ZNF654: variants seen among roughly 807,000 people sequenced by gnomAD.
ZNF654 encodes the protein zinc finger protein 654.
In ZNF654, 19 loss-of-function variants were observed where a neutral mutation model predicts 95.3. That is an observed-to-expected ratio of 0.20 (90% CI 0.14 to 0.29). The LOEUF is 0.29. ZNF654 is among the 10% of genes least tolerant of loss of function. ZNF654 has a pLI of 1.00. For missense variants in ZNF654, 1,046 were observed against 1,341.0 expected, an observed-to-expected ratio of 0.78 and a Z score of 3.44; for synonymous variants, 413 against 457.9, an observed-to-expected ratio of 0.90 and a Z score of 1.25.
chr3:88,141,986 AG>A lies in ZNF654; in HGVS notation c.*337del, dbSNP rs1466245365. The A allele has an allele frequency of 4.7e-6, 1 of 211,478 alleles. No homozygotes were observed. Among genetic ancestry groups the A allele is most frequent in the African/African-American group, 2.5e-5 (1 of 39,216 alleles). 13.1% of individuals were successfully genotyped at this position (211,478 alleles called of 1,614,324 possible). On this transcript the variant is annotated 3_prime_UTR_variant, in exon 9 of 9. Transcript: ENST00000636215. ...GAAAACCAGCTATGGCCTTACAGAA[AG>A]GGAAAAATTAACCCATTATTAAAAA...
chr3:88,071,710 A>G (rs1293477033), intron 1 of ZNF654, among the ~76,000 whole-genome samples: 1 of 152,130 alleles, frequency 6.6e-6, no homozygotes, highest in African/African-American at 2.4e-5. Context: ...AGGATGAGGC[A>G]AGAGAATCAC....
In ZNF654 at chr3:88,075,429, G is replaced by A. The variant is rs535039940; in HGVS notation, c.187-10828G>A. ...GGCCTATCATAAAAACACTCTTTTT[G>A]TGCCCTCATATTTGTATTATTTGGA... is the stretch of plus-strand genomic sequence containing the variant. On this transcript the variant is annotated intron_variant, in intron 1 of 8. Transcript: ENST00000636215. Among the ~76,000 whole-genome samples, 4 of 152,210 alleles carry A rather than the reference G, an allele frequency of 2.6e-5. No homozygotes were observed. In the East Asian group the frequency reaches 7.7e-4, roughly 29 times the overall value.
rs548316857 is a variant in ZNF654, at chr3:88,121,646, T to C, written c.415-4488T>C. On this transcript the variant is annotated intron_variant, in intron 3 of 8. Transcript: ENST00000636215. ...GCATAACATCCTTAAATTTTATAAC[T>C]TTATGAAGTGCTTTGCTATGAGATA... 5.1e-4 allele frequency among the ~76,000 whole-genome samples: 78 copies of C among 152,320 alleles called. No individual in the cohort carries two copies. In the East Asian group the frequency reaches 0.012, roughly 24 times the overall value.
chr3:88,113,820 ATATCT>A (rs59427021), intron 3 of ZNF654, among the ~76,000 whole-genome samples: 118,710 of 151,638 alleles, frequency 0.78, 47,379 homozygotes, highest in South Asian at 0.91. Context: ...TACAGACAAC[ATATCT>A]TATATTTGTT....
intron 3 of ZNF654, among the ~76,000 whole-genome samples, chr3:88,119,404 A>AGGGGGGAG (rs1705628122): frequency 3.2e-5 from 1 of 31,624 alleles, no homozygotes; most frequent in Non-Finnish European, 5.3e-5. Flanking sequence ...GGGAGGGGGG[A>AGGGGGGAG]GGGGGGAGGG....
intron 2 of ZNF654, among the ~76,000 whole-genome samples, chr3:88,089,662 C>A (rs1426057643): frequency 1.3e-5 from 2 of 152,012 alleles, no homozygotes; most frequent in African/African-American, 4.8e-5. Context: ...TCTTTCAGGG[C>A]TGTTGACAGT....
Position 88,143,376 on chromosome 3 carries a change from C to T in ZNF654, c.*1724C>T, listed in dbSNP as rs1179852686. 6 of 152,078 alleles carry T rather than the reference C, an allele frequency of 3.9e-5. No homozygotes were observed. The highest frequency in any genetic ancestry group is 8.9e-5 in the Non-Finnish European group (6 of 67,698). The allele number at this position is 152,078 out of a possible 1,614,324, so 9.4% of individuals were successfully genotyped here. A position where few individuals can be genotyped will look rare whatever the true frequency, so the allele number is the denominator to read the frequency against. On this transcript the variant is annotated 3_prime_UTR_variant, in exon 9 of 9. Coordinates refer to ENST00000636215, the MANE Select transcript of ZNF654 (RefSeq NM_001350134.2). The stretch of plus-strand genomic sequence containing the variant: ...TACATTTAGGTAACTAAACACAGCT[C>T]ATAATTAAAATCTTTTCTTTAAGGT...
intron 1 of ZNF654, among the ~76,000 whole-genome samples, chr3:88,080,804 G>A (rs1385511059): frequency 6.6e-6 from 1 of 152,210 alleles, no homozygotes; most frequent in African/African-American, 2.4e-5. Flanking sequence ...GAGGGAAAAG[G>A]TTGGAACAGA....
In ZNF654 at chr3:88,143,592, A is replaced by G. The variant is rs1307187508; in HGVS notation, c.*1940A>G. ...TTTAATATTTTATCACATTTTCCAC[A>G]AGTTGTAACAATTGATATAAATCCA... On this transcript the variant is annotated 3_prime_UTR_variant, in exon 9 of 9. Transcript: ENST00000636215. 1 of 152,282 alleles carries G rather than the reference A, an allele frequency of 6.6e-6. No individual in the cohort carries two copies. Among genetic ancestry groups the G allele is most frequent in the Non-Finnish European group, 1.5e-5 (1 of 67,764 alleles). 9.4% of individuals were successfully genotyped at this position (152,282 alleles called of 1,614,324 possible). A position where few individuals can be genotyped will look rare whatever the true frequency, so the allele number is the denominator to read the frequency against.
At chr3:88,097,376 A>T (rs1426838845) in intron 2 of ZNF654, among the ~76,000 whole-genome samples, 11 of 149,224 alleles carry the variant, frequency 7.4e-5, no homozygotes, top group South Asian at 2.1e-4. Flanking sequence ...TTTTTTTTTT[A>T]AATAATGGGA....
intron 2 of ZNF654, among the ~76,000 whole-genome samples, chr3:88,089,189 A>G (rs1442830679): frequency 2.6e-5 from 2 of 78,264 alleles, no homozygotes; most frequent in African/African-American, 3.8e-5. Flanking sequence ...AAGCTTACGT[A>G]TTAAAAAAAA....
chr3:88,106,978 C>G (rs531399717), intron 2 of ZNF654, among the ~76,000 whole-genome samples: 1 of 152,192 alleles, frequency 6.6e-6, no homozygotes, highest in South Asian at 2.1e-4. Context: ...TTTGTCTGTT[C>G]GTGTGCCAAC....
At chr3:88,074,623 G>A (rs537441192) in intron 1 of ZNF654, among the ~76,000 whole-genome samples, 1 of 152,220 alleles carries the variant, frequency 6.6e-6, no homozygotes, top group Non-Finnish European at 1.5e-5. Flanking sequence ...TTATAAGCGT[G>A]AGCCACTGCG....
Position 88,144,660 on chromosome 3 carries a change from A to G in ZNF654, c.*3008A>G, listed in dbSNP as rs1707271344. 6.6e-6 allele frequency: 1 copy of G among 152,448 alleles called. No homozygotes were observed. The highest frequency in any genetic ancestry group is 2.4e-5 in the African/African-American group (1 of 41,436). The allele number at this position is 152,448 out of a possible 1,614,324, so 9.4% of individuals were successfully genotyped here. A position where few individuals can be genotyped will look rare whatever the true frequency, so the allele number is the denominator to read the frequency against. ...GTTCAATAAAACGTCCTTGTTGGTA[A>G]TCAAGTGTTCAATTTTATGTAGTAT... On this transcript the variant is annotated 3_prime_UTR_variant, in exon 9 of 9. Transcript: ENST00000636215.
intron 3 of ZNF654, among the ~76,000 whole-genome samples, chr3:88,122,559 A>C (rs1338699930): frequency 6.6e-5 from 10 of 152,164 alleles, no homozygotes; most frequent in Non-Finnish European, 1.5e-4. Context: ...TTTTCGCTCT[A>C]CCTTTGGCCA....
At chr3:88,068,421 A>G (rs1432745577) in intron 1 of ZNF654, among the ~76,000 whole-genome samples, 1 of 151,976 alleles carries the variant, frequency 6.6e-6, no homozygotes, top group Non-Finnish European at 1.5e-5. Flanking sequence ...GGTGCACAAA[A>G]TTGTTCTGTG....
At chr3:88,063,401 GA>G (rs1707000037) in intron 1 of ZNF654, among the ~76,000 whole-genome samples, 2 of 152,136 alleles carry the variant, frequency 1.3e-5, no homozygotes, top group Non-Finnish European at 2.9e-5. Context: ...TGCCTTAAGA[GA>G]TGGTATTCAC....
At chr3:88,098,556 G>T (rs969105853) in intron 2 of ZNF654, among the ~76,000 whole-genome samples, 2 of 152,126 alleles carry the variant, frequency 1.3e-5, no homozygotes, top group Non-Finnish European at 2.9e-5. Context: ...CAATACCCTT[G>T]ATGAACATTG....
intron 2 of ZNF654, 92 bp from the exon 3 acceptor site, chr3:88,113,023 T>C: frequency 1.3e-6 from 1 of 776,102 alleles, no homozygotes; most frequent in South Asian, 2.1e-5. Flanking sequence ...TTAAGTCAAA[T>C]ATTGATATTA....
Sources: allele counts gnomAD v4.1 joint callset (sites outside exome capture counted in the v4.1 genomes callset), GRCh38; gene constraint gnomAD v4.1.1; transcripts MANE v1.5; gene names NCBI Gene and HGNC (gene_info 2026-07-23, HGNC 2026-07-21).